Variants in BUB1 observed in about 807,000 individuals in gnomAD.
BUB1 encodes BUB1 mitotic checkpoint serine/threonine kinase, also known as mitotic checkpoint serine/threonine-protein kinase BUB1.
BUB1 carries 84 observed loss-of-function variants against 135.2 expected under a neutral mutation model. The ratio of observed to expected loss-of-function variants is 0.62; its 90% CI spans 0.52 to 0.74. BUB1 has a LOEUF of 0.74. Ranked by LOEUF, BUB1 falls within the 30% of genes least tolerant of loss-of-function variation. The pLI, the probability that BUB1 is intolerant of heterozygous loss-of-function variation, is 0.00. For missense variants in BUB1, 1,162 were observed against 1,288.3 expected, an observed-to-expected ratio of 0.90 and a Z score of 1.50; for synonymous variants, 403 against 434.4, an observed-to-expected ratio of 0.93 and a Z score of 0.90.
chr2:110,667,430 T>C (rs906638323), intron 8 of BUB1, 91 bp downstream of exon 8: 7 of 1,264,162 alleles, frequency 5.5e-6, no homozygotes, highest in African/African-American at 1.5e-5. Context: ...TCTTTCAACA[T>C]AGTCAATTAT....
At chr2:110,658,296 G>T in intron 13 of BUB1, 114 bp downstream of exon 13, 2 of 773,410 alleles carry the variant, frequency 2.6e-6, no homozygotes, top group Non-Finnish European at 2.0e-6. Context: ...TGCATTCCCT[G>T]CCTTTATGTG....
chr2:110,669,451 A>G lies in BUB1; in HGVS notation c.567+2T>C, dbSNP rs771093692. 18 of 1,572,634 alleles carry G rather than the reference A, an allele frequency of 1.1e-5. No individual in the cohort carries two copies. In the South Asian group the frequency reaches 1.7e-4, roughly 15 times the overall value. ...CACACAAGCTACAAATGTCATTATT[A>G]CCTGATTCTTAGAAATGCAGGCCAT... On this transcript the variant is annotated splice_donor_variant, in intron 6 of 24. Transcript: ENST00000302759. LOFTEE classifies it high-confidence loss of function.
intron 24 of BUB1, 137 bp from the exon 25 acceptor site, chr2:110,638,296 A>G: frequency 1.8e-6 from 1 of 552,186 alleles, no homozygotes. Flanking sequence ...CAATGCAGCA[A>G]GTATGGAAAC....
At chr2:110,659,613 A>G (rs1206261757) in intron 11 of BUB1, among the ~76,000 whole-genome samples, 3 of 152,188 alleles carry the variant, frequency 2.0e-5, no homozygotes, top group African/African-American at 7.2e-5. Flanking sequence ...CTTATCTCCT[A>G]TGCAAATGCC....
intron 13 of BUB1, 134 bp from the exon 14 acceptor site, chr2:110,657,779 G>C (rs1162778608): frequency 2.1e-5 from 13 of 612,648 alleles, no homozygotes; most frequent in Non-Finnish European, 2.7e-6. Context: ...TCAAATACTA[G>C]GCAGTAAGTC....
chr2:110,644,083 A>T (rs954745535), intron 19 of BUB1, among the ~76,000 whole-genome samples: 1 of 145,442 alleles, frequency 6.9e-6, no homozygotes, highest in Non-Finnish European at 1.5e-5. Context: ...AAAAAAAAAT[A>T]GAAAGAAATA....
At chr2:110,638,380 A>G (rs1218157134) in intron 24 of BUB1, among the ~76,000 whole-genome samples, 1 of 152,224 alleles carries the variant, frequency 6.6e-6, no homozygotes, top group Non-Finnish European at 1.5e-5. Context: ...AAAAAATAAG[A>G]TAAGTAATCT....
chr2:110,637,590 G>GTGTT lies in BUB1; in HGVS notation c.*373_*374insAACA, dbSNP rs532665687. 975 of 156,982 alleles carry GTGTT rather than the reference G, an allele frequency of 6.2e-3. 11 individuals carry two copies. The highest frequency in any genetic ancestry group is 0.022 in the African/African-American group (886 of 40,154). 9.7% of individuals were successfully genotyped at this position (156,982 alleles called of 1,614,324 possible). ...TCCCTTGGAAATGTTAGGGAAGTGT[G>GTGTT]TGTGTGTGTGTGTGTGTGTGTGTGT... On this transcript the variant is annotated 3_prime_UTR_variant, in exon 25 of 25. Coordinates refer to ENST00000302759, the MANE Select transcript of BUB1 (RefSeq NM_004336.5).
At position 110,649,147 on chromosome 2, in the gene BUB1, TCACA is replaced by T. The variant is rs34802999; in HGVS notation, c.2347+83_2347+86del. On this transcript the variant is annotated intron_variant, in intron 19 of 24. Coordinates refer to ENST00000302759, the MANE Select transcript of BUB1 (RefSeq NM_004336.5). ...GGAGGTTGGGGGGCAAATAGGAGAA[TCACA>T]CACACACACACACACACACGTTACC... is the stretch of plus-strand genomic sequence containing the variant. The T allele has an allele frequency of 6.0e-4, 681 of 1,131,360 alleles. 1 individual carries two copies. Among genetic ancestry groups the T allele is most frequent in the Middle Eastern group, 8.7e-4 (3 of 3,444 alleles). 70.1% of individuals were successfully genotyped at this position (1,131,360 alleles called of 1,614,324 possible). A position where few individuals can be genotyped will look rare whatever the true frequency, so the allele number is the denominator to read the frequency against.
intron 18 of BUB1, among the ~76,000 whole-genome samples, chr2:110,650,156 CTG>C (rs1033180716): frequency 8.3e-6 from 1 of 120,808 alleles, no homozygotes; most frequent in African/African-American, 3.3e-5. Context: ...TCTCCAGACT[CTG>C]TGCTCTTAAC....
chr2:110,652,557 G>A (rs772179655), intron 17 of BUB1, among the ~76,000 whole-genome samples: 1 of 126,030 alleles, frequency 7.9e-6, no homozygotes, highest in African/African-American at 2.5e-5. Flanking sequence ...TTAACAAAAT[G>A]TTGTTATTAG....
chr2:110,654,782 G>T (rs533228777), intron 16 of BUB1, among the ~76,000 whole-genome samples: 1 of 152,146 alleles, frequency 6.6e-6, no homozygotes, highest in Non-Finnish European at 1.5e-5. Context: ...AAATGTTTAG[G>T]TCTATAGGCT....
chr2:110,672,883 A>C, intron 3 of BUB1, 26 bp from the exon 4 acceptor site: 1 of 1,540,546 alleles, frequency 6.5e-7, no homozygotes, highest in Non-Finnish European at 8.7e-7. Flanking sequence ...ACAAAAAGAC[A>C]TAAGAATAAT....
intron 4 of BUB1, among the ~76,000 whole-genome samples, chr2:110,671,334 T>G (rs895868573): frequency 2.6e-5 from 4 of 152,268 alleles, no homozygotes; most frequent in Non-Finnish European, 5.9e-5. Context: ...TTTGCTGTTA[T>G]GGATCGGCTT....
At chr2:110,662,065 T>C (rs1690115563) in intron 9 of BUB1, 1 of 509,382 alleles carries the variant, frequency 2.0e-6, no homozygotes, top group Non-Finnish European at 3.4e-6. Flanking sequence ...ACAGACACCA[T>C]CAGCAGCTTA....
rs758394381 is a variant in BUB1, at chr2:110,648,386, G to A, written c.2347+848C>T. ...AACAATCAGTGGTTGCCAGGCGTTG[G>A]GGGACAAGGAGGAAGGGATGAATAG... On this transcript the variant is annotated intron_variant, in intron 19 of 24. Transcript: ENST00000302759. This position sits in a 1 kb window ranked among gnomAD's most constrained non-coding sequence, Gnocchi z 4.2. Among the ~76,000 whole-genome samples the A allele has an allele frequency of 6.6e-6, 1 of 152,134 alleles. No homozygotes were observed. The highest frequency in any genetic ancestry group is 1.5e-5 in the Non-Finnish European group (1 of 68,020).
chr2:110,663,901 C>T (rs369572923), intron 9 of BUB1, among the ~76,000 whole-genome samples: 32 of 151,636 alleles, frequency 2.1e-4, no homozygotes, highest in Admixed American at 8.5e-4. Flanking sequence ...TGGTGGCAGG[C>T]GCCTGTAGTC....
intron 24 of BUB1, among the ~76,000 whole-genome samples, chr2:110,638,636 C>T (rs567236783): frequency 1.3e-5 from 2 of 152,202 alleles, no homozygotes; most frequent in Non-Finnish European, 2.9e-5. Flanking sequence ...AACTCCAGAA[C>T]ATGGAGATAA....
Position 110,641,476 on chromosome 2 carries a change from G to A in BUB1, c.2626-12C>T. ...AGGTTAATGGCATTCTAGGAACAAT[G>A]GAAAGTGGAATCCTGAGTTAGTTGC... On this transcript the variant is annotated splice_polypyrimidine_tract_variant and intron_variant, in intron 21 of 24. Transcript: ENST00000302759. 6.3e-7 allele frequency: 1 copy of A among 1,596,746 alleles called. No homozygotes were observed. The highest frequency in any genetic ancestry group is 8.5e-7 in the Non-Finnish European group (1 of 1,173,084).
Sources: allele counts gnomAD v4.1 joint callset (sites outside exome capture counted in the v4.1 genomes callset), GRCh38; gene constraint gnomAD v4.1.1; non-coding constraint Gnocchi (gnomAD v3.1); transcripts MANE v1.5; gene names NCBI Gene and HGNC (gene_info 2026-07-23, HGNC 2026-07-21).